ABCC11: variants seen among roughly 807,000 people sequenced by gnomAD.
The protein encoded by ABCC11 is ATP binding cassette subfamily C member 11, also known as ATP-binding cassette sub-family C member 11.
A neutral mutation model predicts 149.3 loss-of-function variants in ABCC11; 135 were observed. That is an observed-to-expected ratio of 0.90 (90% confidence interval 0.79 to 1.04). The LOEUF is 1.04. Among genes scored for constraint, ABCC11 ranks in the 50% least tolerant of loss-of-function variants. The pLI, the probability that ABCC11 is intolerant of heterozygous loss-of-function variation, is 0.00. For missense variants in ABCC11, 1,680 were observed against 1,722.1 expected (o/e 0.98, Z 0.43); for synonymous variants, 665 against 671.4 (o/e 0.99, Z 0.15).
chr16:48,205,812 CT>C (rs5816589), intron 12 of ABCC11, among the ~76,000 whole-genome samples: 331 of 140,968 alleles, frequency 2.3e-3, no homozygotes, highest in Admixed American at 6.7e-3. Flanking sequence ...GTTTTTTCCT[CT>C]TTTTTTTTTT....
intron 17 of ABCC11, among the ~76,000 whole-genome samples, chr16:48,196,549 G>A (rs1967436331): frequency 6.6e-6 from 1 of 152,224 alleles, no homozygotes. Flanking sequence ...TGGAGGGACT[G>A]CGGGGTCTCA....
At chr16:48,173,931 C>A (rs1965875235) in intron 26 of ABCC11, among the ~76,000 whole-genome samples, 1 of 152,126 alleles carries the variant, frequency 6.6e-6, no homozygotes, top group African/African-American at 2.4e-5. Flanking sequence ...CACCTCATGA[C>A]CCAGTCATTT....
At chr16:48,215,623 T>G (rs1167038468) in intron 7 of ABCC11, among the ~76,000 whole-genome samples, 1 of 152,220 alleles carries the variant, frequency 6.6e-6, no homozygotes, top group Non-Finnish European at 1.5e-5. Context: ...CATCTTTCCA[T>G]CAGAGTGACT....
chr16:48,213,592 C>T (rs1172193804), intron 9 of ABCC11, 42 bp from the exon 10 acceptor site: 2 of 1,484,644 alleles, frequency 1.3e-6, no homozygotes, highest in South Asian at 1.2e-5. Context: ...CGTGGCCCTT[C>T]CTGCTTCCTC....
intron 1 of ABCC11, chr16:48,244,326 C>T (rs1971203129): frequency 1.6e-6 from 2 of 1,257,812 alleles, no homozygotes; most frequent in African/African-American, 1.6e-5. Flanking sequence ...GACTGCGGGG[C>T]AGGCCGGGGG....
chr16:48,217,747 T>C (rs971660036), intron 6 of ABCC11, among the ~76,000 whole-genome samples: 4 of 152,234 alleles, frequency 2.6e-5, no homozygotes, highest in African/African-American at 4.8e-5. Context: ...TTCCAGGACA[T>C]GCCCTAGTGG....
intron 20 of ABCC11, among the ~76,000 whole-genome samples, chr16:48,189,804 T>G (rs972819023): frequency 6.6e-6 from 1 of 151,998 alleles, no homozygotes; most frequent in African/African-American, 2.4e-5. Context: ...ATCTGAGAGG[T>G]GGGGAAAAGC....
At chr16:48,210,857 C>T (rs936173939) in intron 11 of ABCC11, 91 bp downstream of exon 11, 2 of 1,518,528 alleles carry the variant, frequency 1.3e-6, no homozygotes, top group African/African-American at 2.8e-5. Context: ...AGTTTTTAAC[C>T]AAGGAAATGG....
At position 48,236,712 on chromosome 16, in the gene ABCC11, T is replaced by G. The variant is rs9934918; in HGVS notation, c.-18-4773A>C. 4.2e-3 allele frequency among the ~76,000 whole-genome samples: 644 copies of G among 152,318 alleles called. 4 individuals are homozygous for G. The highest frequency in any genetic ancestry group is 0.015 in the African/African-American group (609 of 41,562). ...GTGTTCTCCAAAGTAGGCTGACACA[T>G]CCCATCACAGAGATACAGTGACAGG... On this transcript the variant is annotated intron_variant, in intron 1 of 29. Coordinates refer to ENST00000356608, the MANE Select transcript of ABCC11 (RefSeq NM_001370497.1).
At chr16:48,242,502 T>C (rs568404613) in intron 1 of ABCC11, among the ~76,000 whole-genome samples, 2 of 152,318 alleles carry the variant, frequency 1.3e-5, no homozygotes, top group East Asian at 3.9e-4. Context: ...TCCTCAAGGA[T>C]CTGGAACTAG....
Position 48,222,742 on chromosome 16 carries a change from G to A in ABCC11, c.633C>T (p.Leu211=), listed in dbSNP as rs1291648873. The change falls in exon 6 of 30, where the codon CTC becomes CTT. Residue 211 remains leucine, a synonymous_variant. Coordinates refer to ENST00000356608, the MANE Select transcript of ABCC11 (RefSeq NM_001370497.1). The part of the protein sequence containing the change: ...HGVGLCFALF[L]SECVKSLSFS... ...AACTCAGAGACTTCACACATTCGGA[G>A]AGAAAAAGGGCAAAGCAGAGTCCCA... The A allele has an allele frequency of 1.2e-6, 2 of 1,614,092 alleles. No individual in the cohort carries two copies. Among genetic ancestry groups the A allele is most frequent in the Non-Finnish European group, 1.7e-6 (2 of 1,180,034 alleles).
chr16:48,244,307 A>C, intron 1 of ABCC11: 1 of 1,042,300 alleles, frequency 9.6e-7, no homozygotes, highest in Non-Finnish European at 1.3e-6. Context: ...GGCGGGTCTG[A>C]GGTTTGGTGA....
At chr16:48,203,342 TC>T in intron 13 of ABCC11, 42 bp from the exon 14 acceptor site, 1 of 1,501,568 alleles carries the variant, frequency 6.7e-7, no homozygotes, top group Non-Finnish European at 9.1e-7. Context: ...GGACCAGCCC[TC>T]CCGCCCATCA....
rs762665824 is a variant in ABCC11, at chr16:48,175,353, A to G, written c.3603T>C (p.Ile1201=). The change falls in exon 26 of 30, where the codon ATT becomes ATC. Residue 1201 remains isoleucine (I), a synonymous_variant. Coordinates refer to ENST00000356608, the MANE Select transcript of ABCC11 (RefSeq NM_001370497.1). ...CGATGCTGCAAATGTCCACGCCGTC[A>G]ATGAGAATCCGGCCTGCCATGGGCT... ...LVEPMAGRIL[I]DGVDICSIGL... The G allele has an allele frequency of 3.7e-6, 6 of 1,614,178 alleles. No homozygotes were observed. Among genetic ancestry groups the G allele is most frequent in the Non-Finnish European group, 4.2e-6 (5 of 1,179,982 alleles).
chr16:48,211,113 C>T lies in ABCC11; in HGVS notation c.1443G>A (p.Leu481=), dbSNP rs567749616. The T allele has an allele frequency of 6.2e-7, 1 of 1,614,096 alleles. No individual in the cohort carries two copies. Among genetic ancestry groups the T allele is most frequent in the East Asian group, 2.2e-5 (1 of 44,900 alleles). ...SKALVFEEAT[L]SWQQTCPGIV... ...TCCCGGGACAGGTCTGTTGCCATGA[C>T]AAGGTGGCCTCCTCAAAGACCAGAG... is the stretch of plus-strand genomic sequence containing the variant. Residue 481 remains leucine, a synonymous_variant, in exon 11 of 30, where the codon TTG becomes TTA. Transcript: ENST00000356608.
intron 14 of ABCC11, 23 bp from the exon 15 acceptor site, chr16:48,200,502 A>C: frequency 6.2e-7 from 1 of 1,610,846 alleles, no homozygotes; most frequent in South Asian, 1.1e-5. Flanking sequence ...AGTAAAAGGC[A>C]CCATGTCCAG....
At chr16:48,224,253 C>T (rs377034125) in intron 5 of ABCC11, 29 bp downstream of exon 5, 6 of 1,611,658 alleles carry the variant, frequency 3.7e-6, no homozygotes, top group Non-Finnish European at 5.1e-6. Context: ...GCCTAGAGTC[C>T]CCCAAACCTC....
At chr16:48,206,233 T>C (rs1968440073) in intron 12 of ABCC11, among the ~76,000 whole-genome samples, 2 of 152,354 alleles carry the variant, frequency 1.3e-5, no homozygotes, top group Middle Eastern at 3.4e-3. Flanking sequence ...GGTAGGATAA[T>C]GTTATCATGG....
intron 6 of ABCC11, among the ~76,000 whole-genome samples, chr16:48,221,525 G>A (rs1969737192): frequency 6.6e-6 from 1 of 151,744 alleles, no homozygotes. Flanking sequence ...TGCAGATAAG[G>A]AAATTAAAAC....
Sources: allele counts gnomAD v4.1 joint callset (sites outside exome capture counted in the v4.1 genomes callset), GRCh38; gene constraint gnomAD v4.1.1; transcripts MANE v1.5; gene names NCBI Gene and HGNC (gene_info 2026-07-23, HGNC 2026-07-21).